The following OXNAD1 variants were observed in gnomAD, a reference collection of about 807,000 sequenced individuals.
The protein encoded by OXNAD1 is oxidoreductase NAD binding domain containing 1, also known as oxidoreductase NAD-binding domain-containing protein 1.
A neutral mutation model predicts 32.9 loss-of-function variants in OXNAD1; 34 were observed. That is an observed-to-expected ratio of 1.03 (90% CI 0.79 to 1.38). The LOEUF (loss-of-function observed/expected upper bound fraction) is 1.38. Among genes scored for constraint, OXNAD1 ranks in the 40% most tolerant of loss-of-function variants. The pLI, the probability that OXNAD1 is intolerant of heterozygous loss-of-function variation, is 0.00. For missense variants in OXNAD1, 407 were observed against 379.4 expected, an observed-to-expected ratio of 1.07 and a Z score of -0.60; for synonymous variants, 134 against 135.2, an observed-to-expected ratio of 0.99 and a Z score of 0.06.
Position 16,301,519 on chromosome 3 carries a change from C to A in OXNAD1, c.433-107C>A. Reference sequence around the variant, plus strand: ...ATTGGGAGCAAGCTATAAAAATAGTCTTAAATACTGATAATACAGGAGATA... The same window carrying A: ...ATTGGGAGCAAGCTATAAAAATAGTATTAAATACTGATAATACAGGAGATA... On this transcript the variant is annotated intron_variant, in intron 6 of 8. Coordinates refer to ENST00000285083, the MANE Select transcript of OXNAD1 (RefSeq NM_138381.5). This position sits in a 1 kb window ranked among gnomAD's most constrained non-coding sequence, Gnocchi z 4.1. 7.5e-7 allele frequency: 1 copy of A among 1,334,268 alleles called. No individual in the cohort carries two copies. Among genetic ancestry groups the A allele is most frequent in the Non-Finnish European group, 1.0e-6 (1 of 975,020 alleles). The allele number at this position is 1,334,268 out of a possible 1,614,324, so 82.7% of individuals were successfully genotyped here. A position where few individuals can be genotyped will look rare whatever the true frequency, so the allele number is the denominator to read the frequency against.
Position 16,316,422 on chromosome 3 carries a change from G to A in OXNAD1, c.*30+12830G>A, listed in dbSNP as rs749074695. 2.0e-5 allele frequency: 5 copies of A among 251,416 alleles called. No homozygotes were observed. Among genetic ancestry groups the A allele is most frequent in the Non-Finnish European group, 3.9e-5 (5 of 129,200 alleles). 15.6% of individuals were successfully genotyped at this position (251,416 alleles called of 1,614,324 possible). On this transcript the variant is annotated intron_variant, in intron 9 of 9. Transcript: ENST00000435829. This position sits in a 1 kb window ranked among gnomAD's most constrained non-coding sequence, Gnocchi z 4.5. ...GCAGGGGATGGACACTGCCCCACAC[G>A]ATGTGGGATGAACAGCAGCCTTGGT...
In OXNAD1 at chr3:16,288,343, G is replaced by T. The variant is rs182325061; in HGVS notation, c.290+1895G>T. ...AGAGCTGCTAGAAATCAAGGAGAGG[G>T]TTGCTGTTGGGCTTATCTTTGGGGT... On this transcript the variant is annotated intron_variant, in intron 5 of 8. Coordinates refer to ENST00000285083, the MANE Select transcript of OXNAD1 (RefSeq NM_138381.5). The surrounding 1 kb of genome is among the most constrained non-coding windows in gnomAD (Gnocchi z 5.1). Among the ~76,000 whole-genome samples the T allele has an allele frequency of 2.6e-5, 4 of 152,230 alleles. No homozygotes were observed. The highest frequency in any genetic ancestry group is 4.1e-4 in the South Asian group (2 of 4,826).
chr3:16,311,705 C>A lies in OXNAD1; in HGVS notation c.*30+8113C>A, dbSNP rs1019511841. ...CCTTCTTTGCTAAGATTCAAGCCAG[C>A]AGCCCCCACCTAGACTAAAGCACTA... On this transcript the variant is annotated intron_variant, in intron 9 of 9. Transcript: ENST00000435829. 3.9e-5 allele frequency among the ~76,000 whole-genome samples: 6 copies of A among 152,166 alleles called. 1 individual carries two copies. Among genetic ancestry groups the A allele is most frequent in the African/African-American group, 1.4e-4 (6 of 41,438 alleles).
chr3:16,332,984 A>G (rs2070478989), intron 9 of OXNAD1, among the ~76,000 whole-genome samples: 1 of 152,218 alleles, frequency 6.6e-6, no homozygotes, highest in Non-Finnish European at 1.5e-5. Context: ...TCTGGTCGCA[A>G]CAGTTTTGCA....
intron 1 of OXNAD1, 126 bp from the exon 2 acceptor site, chr3:16,269,000 G>GA: frequency 2.8e-6 from 2 of 713,476 alleles, no homozygotes; most frequent in Non-Finnish European, 4.0e-6. Flanking sequence ...GGGGGTAATT[G>GA]AGAGTGGGCT....
At chr3:16,341,016 C>T (rs2071281879), downstream of OXNAD1, among the ~76,000 whole-genome samples, 1 of 152,170 alleles carries the variant, frequency 6.6e-6, no homozygotes. The surrounding 1 kb of genome is among the most constrained non-coding windows in gnomAD (Gnocchi z 4.7). Context: ...AAATACCTCA[C>T]CAAAGAAGAT....
chr3:16,286,175 C>T (rs539420348), intron 4 of OXNAD1, among the ~76,000 whole-genome samples, 167 bp from the exon 5 acceptor site: 1 of 152,354 alleles, frequency 6.6e-6, no homozygotes, highest in South Asian at 2.1e-4. Context: ...AAAATGTATT[C>T]ACATGGTGGT....
Position 16,316,524 on chromosome 3 carries a change from C to G in OXNAD1, c.*30+12932C>G. The G allele has an allele frequency of 2.3e-6, 1 of 431,690 alleles. No individual in the cohort carries two copies. Among genetic ancestry groups the G allele is most frequent in the Non-Finnish European group, 4.2e-6 (1 of 236,364 alleles). 26.7% of individuals were successfully genotyped at this position (431,690 alleles called of 1,614,324 possible). On this transcript the variant is annotated intron_variant, in intron 9 of 9. Transcript: ENST00000435829. The surrounding 1 kb of genome is among the most constrained non-coding windows in gnomAD (Gnocchi z 4.5). ...GTGGCGAGGACAGGCACTGGATGGT[C>G]CAGACCCTCTGGCTGGAGGAGTGGT...
Position 16,274,167 on chromosome 3 carries a change from TAA to T in OXNAD1, c.183+2461_183+2462del, listed in dbSNP as rs34969392. The stretch of plus-strand genomic sequence containing the variant: ...TTCCAATAAATCACTGTACTATCAC[TAA>T]AAAAAAAAAAAAAAACAAAAGATAT... On this transcript the variant is annotated intron_variant, in intron 4 of 8. Coordinates refer to ENST00000285083, the MANE Select transcript of OXNAD1 (RefSeq NM_138381.5). Among the ~76,000 whole-genome samples the T allele has an allele frequency of 2.4e-3, 288 of 122,392 alleles. 2 individuals are homozygous for T. Among genetic ancestry groups the T allele is most frequent in the African/African-American group, 7.0e-3 (235 of 33,802 alleles). 80.3% of individuals were successfully genotyped at this position (122,392 alleles called of 152,430 possible).
At chr3:16,285,920 C>G in intron 4 of OXNAD1, among the ~76,000 whole-genome samples, 1 of 152,244 alleles carries the variant, frequency 6.6e-6, no homozygotes, top group African/African-American at 2.4e-5. Flanking sequence ...CCCCCAGAAG[C>G]AAGAGTGGGC....
chr3:16,286,797 C>CT (rs1412434896), intron 5 of OXNAD1, among the ~76,000 whole-genome samples: 1 of 152,204 alleles, frequency 6.6e-6, no homozygotes, highest in Non-Finnish European at 1.5e-5. Context: ...ATCTAATCTC[C>CT]TTGAGTTACG....
At chr3:16,291,187 T>C (rs2066407647) in intron 5 of OXNAD1, among the ~76,000 whole-genome samples, 1 of 152,220 alleles carries the variant, frequency 6.6e-6, no homozygotes, top group South Asian at 2.1e-4. Flanking sequence ...GCCTATTAAG[T>C]CTGTCAAATA....
At chr3:16,328,077 A>G (rs564501883) in intron 9 of OXNAD1, among the ~76,000 whole-genome samples, 60 of 152,370 alleles carry the variant, frequency 3.9e-4, no homozygotes, top group African/African-American at 1.3e-3. Context: ...TGATGGGTGC[A>G]AAGGCACAGC....
chr3:16,335,917 G>A lies in OXNAD1; in HGVS notation c.*31-1195G>A, dbSNP rs1019612260. Among the ~76,000 whole-genome samples, 2 of 152,220 alleles carry A rather than the reference G, an allele frequency of 1.3e-5. No homozygotes were observed. Among genetic ancestry groups the A allele is most frequent in the African/African-American group, 4.8e-5 (2 of 41,462 alleles). On this transcript the variant is annotated intron_variant, in intron 9 of 9. Transcript: ENST00000435829. This position sits in a 1 kb window ranked among gnomAD's most constrained non-coding sequence, Gnocchi z 4.7. ...AGGACTCCGCAGGAGGGAAGTGGCC[G>A]ACAGCAAGGACTGGTGGCAGCTGCT...
At chr3:16,319,193 C>T (rs759075440) in intron 9 of OXNAD1, among the ~76,000 whole-genome samples, 2 of 152,102 alleles carry the variant, frequency 1.3e-5, no homozygotes. Context: ...TATCATTTTA[C>T]GTGTTTTTAG....
intron 9 of OXNAD1, among the ~76,000 whole-genome samples, chr3:16,313,421 C>T (rs2068112924): frequency 6.6e-6 from 1 of 151,950 alleles, no homozygotes; most frequent in Non-Finnish European, 1.5e-5. Context: ...CAGACCTGCT[C>T]CTGTCTCATT....
chr3:16,347,812 ATAT>A (rs1334435699), intron 9 of OXNAD1: 1 of 152,254 alleles, frequency 6.6e-6, no homozygotes, highest in African/African-American at 2.4e-5. Context: ...TTGCAATGTA[ATAT>A]TCCTCAATGG....
rs138218148 is a variant in OXNAD1, at chr3:16,287,418, A to G, written c.290+970A>G. ...ACTAGAAAACAAGATGCTGATTGCA[A>G]TAATTTGGGTTTGTGAAGCAATTTA... On this transcript the variant is annotated intron_variant, in intron 5 of 8. Coordinates refer to ENST00000285083, the MANE Select transcript of OXNAD1 (RefSeq NM_138381.5). The surrounding 1 kb of genome is among the most constrained non-coding windows in gnomAD (Gnocchi z 4.8). 8.5e-5 allele frequency among the ~76,000 whole-genome samples: 13 copies of G among 152,330 alleles called. No individual in the cohort carries two copies. Among genetic ancestry groups the G allele is most frequent in the Admixed American group, 4.6e-4 (7 of 15,304 alleles).
rs915153254 is a variant in OXNAD1, at chr3:16,290,632, C to T, written c.290+4184C>T. On this transcript the variant is annotated intron_variant, in intron 5 of 8. Coordinates refer to ENST00000285083, the MANE Select transcript of OXNAD1 (RefSeq NM_138381.5). The surrounding 1 kb of genome is among the most constrained non-coding windows in gnomAD (Gnocchi z 4.2). ...TAGCAACTGTGTTAACAAATGCTAA[C>T]GATAGTCTTTTAAATTTTTATCTTG... is the stretch of plus-strand genomic sequence containing the variant. 1.3e-5 allele frequency among the ~76,000 whole-genome samples: 2 copies of T among 152,104 alleles called. No individual in the cohort carries two copies. The highest frequency in any genetic ancestry group is 2.4e-5 in the African/African-American group (1 of 41,414).
Sources: allele counts gnomAD v4.1 joint callset (sites outside exome capture counted in the v4.1 genomes callset), GRCh38; gene constraint gnomAD v4.1.1; non-coding constraint Gnocchi (gnomAD v3.1); transcripts MANE v1.5; gene names NCBI Gene and HGNC (gene_info 2026-07-23, HGNC 2026-07-21).